SCAF8: variants seen among roughly 807,000 people sequenced by gnomAD.
SCAF8 encodes SR-related and CTD-associated factor 8.
SCAF8 carries 23 observed loss-of-function variants against 140.5 expected under a neutral mutation model. The observed-to-expected ratio is 0.16, with a 90% confidence interval of 0.12 to 0.23. SCAF8 has a LOEUF of 0.23. Ranked by LOEUF, SCAF8 falls within the 10% of genes least tolerant of loss-of-function variation. The probability of loss-of-function intolerance (pLI) is 1.00; values close to 1 mark genes in which losing one functional copy is unlikely to be tolerated. For missense variants in SCAF8, 1,397 were observed against 1,555.7 expected, an observed-to-expected ratio of 0.90 and a Z score of 1.72; for synonymous variants, 575 against 528.9, an observed-to-expected ratio of 1.09 and a Z score of -1.20.
chr6:154,764,571 G>A (rs940828506), intron 1 of SCAF8, among the ~76,000 whole-genome samples: 14 of 152,168 alleles, frequency 9.2e-5, no homozygotes, highest in African/African-American at 2.7e-4. Context: ...GGTAGAATTT[G>A]ATGGAACAAA....
intron 3 of SCAF8, among the ~76,000 whole-genome samples, chr6:154,778,769 A>AT (rs371478614): frequency 9.1e-5 from 13 of 142,162 alleles, no homozygotes; most frequent in African/African-American, 2.8e-4. Flanking sequence ...GTCTCAAAAA[A>AT]TGTGTGTGTG....
intron 4 of SCAF8, among the ~76,000 whole-genome samples, chr6:154,789,313 A>G (rs1164882689): frequency 2.0e-5 from 3 of 151,648 alleles, no homozygotes; most frequent in Admixed American, 6.6e-5. Flanking sequence ...GAGTTTTGCC[A>G]TGTTGGGTAG....
intron 1 of SCAF8, among the ~76,000 whole-genome samples, chr6:154,735,066 G>T (rs1366572736): frequency 6.6e-6 from 1 of 151,532 alleles, no homozygotes; most frequent in Non-Finnish European, 1.5e-5. Flanking sequence ...GGAGGTTGCA[G>T]TGAGCCGAGA....
intron 1 of SCAF8, among the ~76,000 whole-genome samples, chr6:154,751,523 C>T (rs1452963953): frequency 1.3e-5 from 2 of 152,066 alleles, no homozygotes; most frequent in South Asian, 2.1e-4. Context: ...CCATCGCGCC[C>T]GGCCAAAACT....
intron 6 of SCAF8, among the ~76,000 whole-genome samples, chr6:154,798,606 G>A (rs1035452884): frequency 6.6e-6 from 1 of 151,218 alleles, no homozygotes; most frequent in Non-Finnish European, 1.5e-5. Flanking sequence ...CTAGTTCCTA[G>A]AATCAAGCCA....
At position 154,822,428 on chromosome 6, in the gene SCAF8, T is replaced by C; in HGVS notation, c.1926+19T>C. On this transcript the variant is annotated intron_variant, in intron 16 of 19. Transcript: ENST00000367178. ...GTTGCAGGTTAGTGTTGAAGTGGGG[T>C]TTTTTTTTTCTTGTGTTGTTTTACA... 1.3e-6 allele frequency: 2 copies of C among 1,501,984 alleles called. No homozygotes were observed. The highest frequency in any genetic ancestry group is 1.8e-6 in the Non-Finnish European group (2 of 1,114,522). 93.0% of individuals were successfully genotyped at this position (1,501,984 alleles called of 1,614,324 possible). A position where few individuals can be genotyped will look rare whatever the true frequency, so the allele number is the denominator to read the frequency against.
At chr6:154,737,407 G>C (rs1288928163) in intron 1 of SCAF8, among the ~76,000 whole-genome samples, 1 of 152,138 alleles carries the variant, frequency 6.6e-6, no homozygotes, top group Admixed American at 6.5e-5. Flanking sequence ...TGGGCTCGAT[G>C]GGTCATGCCT....
intron 12 of SCAF8, among the ~76,000 whole-genome samples, chr6:154,813,260 C>G (rs1225520508): frequency 2.0e-5 from 3 of 151,920 alleles, no homozygotes; most frequent in Admixed American, 1.3e-4. Context: ...TATACTGGCT[C>G]AAACCTATAA....
intron 1 of SCAF8, among the ~76,000 whole-genome samples, chr6:154,742,231 C>T (rs1778588860): frequency 6.6e-6 from 1 of 152,022 alleles, no homozygotes; most frequent in Non-Finnish European, 1.5e-5. Flanking sequence ...GTTTTATGCT[C>T]AATAGTGAGC....
intron 1 of SCAF8, among the ~76,000 whole-genome samples, chr6:154,767,084 T>G (rs934790420): frequency 6.6e-6 from 1 of 152,112 alleles, no homozygotes; most frequent in Non-Finnish European, 1.5e-5. Context: ...TAAAAGGCAG[T>G]CCCTTACTGG....
At chr6:154,763,473 A>G (rs1228973358) in intron 1 of SCAF8, among the ~76,000 whole-genome samples, 2 of 152,230 alleles carry the variant, frequency 1.3e-5, no homozygotes, top group African/African-American at 4.8e-5. Context: ...GCAACCTTGT[A>G]CATGAGCAAA....
At chr6:154,762,647 T>TATTTCTA (rs1776439286) in intron 1 of SCAF8, among the ~76,000 whole-genome samples, 4 of 152,170 alleles carry the variant, frequency 2.6e-5, no homozygotes, top group Non-Finnish European at 5.9e-5. Context: ...CCAATGATAA[T>TATTTCTA]TTTGTAGTAT....
chr6:154,744,805 A>T (rs1209872511), intron 1 of SCAF8, among the ~76,000 whole-genome samples: 4 of 152,212 alleles, frequency 2.6e-5, no homozygotes, highest in Non-Finnish European at 4.4e-5. Context: ...AATAATTTTT[A>T]TGTATACTTC....
At chr6:154,812,919 C>T (rs1381294887) in intron 12 of SCAF8, among the ~76,000 whole-genome samples, 1 of 151,870 alleles carries the variant, frequency 6.6e-6, no homozygotes, top group African/African-American at 2.4e-5. Flanking sequence ...AAGAGAATGC[C>T]AGGTGCAGCG....
chr6:154,798,554 C>T (rs1208899926), intron 6 of SCAF8, among the ~76,000 whole-genome samples: 1 of 151,446 alleles, frequency 6.6e-6, no homozygotes, highest in Non-Finnish European at 1.5e-5. Flanking sequence ...AATCCTCTGC[C>T]TTCAGAATAT....
rs142439269 is a variant in SCAF8 at position 154,792,574 on chromosome 6, T to C, written c.322-249T>C. On this transcript the variant is annotated intron_variant, in intron 4 of 19. Coordinates refer to ENST00000367178, the MANE Select transcript of SCAF8 (RefSeq NM_014892.5). ...AGTGACATAAGAGAGGAAGCCTGGA[T>C]GTCATCTCCGCCTTCAGCTAAGTGG... Among the ~76,000 whole-genome samples, 1,468 of 152,312 alleles carry C rather than the reference T, an allele frequency of 9.6e-3. 27 individuals carry two copies. Among genetic ancestry groups the C allele is most frequent in the African/African-American group, 0.034 (1,394 of 41,564 alleles).
chr6:154,777,934 G>A (rs1776963777), intron 2 of SCAF8, 67 bp from the exon 3 acceptor site: 1 of 964,038 alleles, frequency 1.0e-6, no homozygotes, highest in Non-Finnish European at 1.6e-6. Context: ...AAAACCTATG[G>A]TTAGCAGGAA....
rs138679654 is a variant in SCAF8, at chr6:154,766,052, A to G, written c.31-7937A>G. 8.1e-4 allele frequency among the ~76,000 whole-genome samples: 120 copies of G among 147,550 alleles called. 1 individual carries two copies. The East Asian group carries it at 0.025, about 31-fold the overall frequency. On this transcript the variant is annotated intron_variant, in intron 1 of 19. Transcript: ENST00000367178. ...ATTTTATATGTTATATATATTATAT[A>G]CTGTATTCTTAAAGTAAGAGAAAAG...
At chr6:154,748,361 G>A (rs1279787292) in intron 1 of SCAF8, among the ~76,000 whole-genome samples, 1 of 152,128 alleles carries the variant, frequency 6.6e-6, no homozygotes, top group Non-Finnish European at 1.5e-5. Flanking sequence ...GGATATAGTT[G>A]CTTATGTGGT....
Sources: allele counts gnomAD v4.1 joint callset (sites outside exome capture counted in the v4.1 genomes callset), GRCh38; gene constraint gnomAD v4.1.1; transcripts MANE v1.5; gene names NCBI Gene and HGNC (gene_info 2026-07-23, HGNC 2026-07-21).